COL13A1: variants seen among roughly 807,000 people sequenced by gnomAD.
The protein encoded by COL13A1 is collagen type XIII alpha 1 chain, also known as collagen alpha-1(XIII) chain.
In COL13A1, 89 loss-of-function variants were observed where a neutral mutation model predicts 130.9. The observed-to-expected ratio is 0.68, with a 90% confidence interval of 0.57 to 0.81. The LOEUF (loss-of-function observed/expected upper bound fraction) is 0.81, where lower values mean the gene tolerates loss of function less well. Ranked by LOEUF, COL13A1 falls within the 30% of genes least tolerant of loss-of-function variation. The pLI, the probability that COL13A1 is intolerant of heterozygous loss-of-function variation, is 0.00. For missense variants in COL13A1, 879 were observed against 934.6 expected, an observed-to-expected ratio of 0.94 and a Z score of 0.78; for synonymous variants, 402 against 341.6, an observed-to-expected ratio of 1.18 and a Z score of -1.95.
chr10:69,848,822 G>A (rs1248297071), intron 2 of COL13A1, among the ~76,000 whole-genome samples: 1 of 152,196 alleles, frequency 6.6e-6, no homozygotes, highest in Non-Finnish European at 1.5e-5. Flanking sequence ...ACAAGTGAGG[G>A]CCTAAGAGTC....
chr10:69,835,521 TGGCACTC>T (rs2133073298), intron 2 of COL13A1, among the ~76,000 whole-genome samples: 1 of 152,214 alleles, frequency 6.6e-6, no homozygotes, highest in African/African-American at 2.4e-5. Flanking sequence ...CTGCTGGCAG[TGGCACTC>T]TTGTCCCCAC....
chr10:69,880,577 G>A (rs754487276), intron 7 of COL13A1, 24 bp downstream of exon 7: 12 of 1,611,304 alleles, frequency 7.4e-6, no homozygotes, highest in African/African-American at 5.3e-5. Flanking sequence ...GCTCTTCCTC[G>A]GGGTGTTGGG....
At chr10:69,952,087 T>A (rs1463803466) in intron 38 of COL13A1, among the ~76,000 whole-genome samples, 3 of 152,222 alleles carry the variant, frequency 2.0e-5, no homozygotes, top group Non-Finnish European at 4.4e-5. Context: ...CAGAAACAAA[T>A]GAATTCCTTA....
At chr10:69,847,724 G>A (rs1037755205) in intron 2 of COL13A1, among the ~76,000 whole-genome samples, 1 of 152,214 alleles carries the variant, frequency 6.6e-6, no homozygotes, top group African/African-American at 2.4e-5. Flanking sequence ...TAGGAGCCCT[G>A]GGAGGAAGGG....
intron 17 of COL13A1, among the ~76,000 whole-genome samples, chr10:69,907,735 A>G (rs559916182): frequency 7.2e-5 from 11 of 152,300 alleles, no homozygotes; most frequent in African/African-American, 2.4e-4. Flanking sequence ...CACTCCTGCA[A>G]TCACAAACCC....
intron 21 of COL13A1, among the ~76,000 whole-genome samples, chr10:69,920,928 G>T (rs966350132): frequency 7.9e-5 from 12 of 152,302 alleles, no homozygotes; most frequent in African/African-American, 2.9e-4. Flanking sequence ...AATGAGAATG[G>T]GGTTCAGCAT....
At chr10:69,915,247 C>T (rs975274807) in intron 17 of COL13A1, among the ~76,000 whole-genome samples, 1 of 152,226 alleles carries the variant, frequency 6.6e-6, no homozygotes, top group Non-Finnish European at 1.5e-5. Flanking sequence ...CCAGTGCAGA[C>T]ACATGGCAGC....
At chr10:69,937,580 T>C in intron 33 of COL13A1, 55 bp from the exon 34 acceptor site, 1 of 860,306 alleles carries the variant, frequency 1.2e-6, no homozygotes. Context: ...AATGCAAGAA[T>C]GAATTGTCTG....
At position 69,940,996 on chromosome 10, in the gene COL13A1, A is replaced by G; in HGVS notation, c.1887A>G (p.Ser629=). Residue 629 remains serine, a synonymous_variant, in exon 35 of 41, where the codon TCA becomes TCG. Coordinates refer to ENST00000645393, the MANE Select transcript of COL13A1 (RefSeq NM_001368882.1). ...DRGPLGLPGA[S]GLDGRPGPPG... ...CTGTGCCCTTCGTCCAGGGAGCTTC[A>G]GGTTTGGACGGCAGGCCTGGGCCAC... The G allele has an allele frequency of 6.2e-7, 1 of 1,613,504 alleles. No individual in the cohort carries two copies. Among genetic ancestry groups the G allele is most frequent in the Non-Finnish European group, 8.5e-7 (1 of 1,179,760 alleles).
intron 4 of COL13A1, 94 bp from the exon 5 acceptor site, chr10:69,875,034 G>T: frequency 1.3e-6 from 2 of 1,520,638 alleles, no homozygotes; most frequent in Non-Finnish European, 9.1e-7. Context: ...GGTTAGCTGT[G>T]CCCTAAATCA....
chr10:69,826,183 G>A (rs558703474), intron 2 of COL13A1, among the ~76,000 whole-genome samples: 22 of 152,296 alleles, frequency 1.4e-4, no homozygotes, highest in African/African-American at 4.3e-4. Flanking sequence ...TCTAGCCAGC[G>A]AGGAAACAGC....
intron 1 of COL13A1, among the ~76,000 whole-genome samples, chr10:69,821,773 T>C (rs1589239263): frequency 6.6e-6 from 1 of 152,200 alleles, no homozygotes; most frequent in Non-Finnish European, 1.5e-5. Context: ...CTTGCCACCA[T>C]GAACATGACA....
chr10:69,932,468 G>A (rs760506221), intron 30 of COL13A1, 92 bp from the exon 31 acceptor site: 108 of 870,718 alleles, frequency 1.2e-4, no homozygotes, highest in Non-Finnish European at 1.8e-4. Context: ...GACCAGTCAC[G>A]TCCCAGTCTA....
intron 3 of COL13A1, 34 bp from the exon 4 acceptor site, chr10:69,872,150 G>A (rs2059135442): frequency 1.2e-6 from 2 of 1,613,860 alleles, no homozygotes; most frequent in Non-Finnish European, 1.7e-6. Context: ...TACGATACCT[G>A]CCTGACCTAC....
At chr10:69,822,273 C>T (rs1037708739) in intron 1 of COL13A1, 96 bp from the exon 2 acceptor site, 2 of 890,470 alleles carry the variant, frequency 2.2e-6, no homozygotes, top group East Asian at 6.2e-5. Context: ...TGCCGGTTTC[C>T]CCCTCTTCCT....
intron 1 of COL13A1, among the ~76,000 whole-genome samples, chr10:69,805,469 T>C (rs1271904567): frequency 6.6e-6 from 1 of 152,138 alleles, no homozygotes; most frequent in African/African-American, 2.4e-5. Flanking sequence ...CACCCTAGGG[T>C]TGGGCTGTCC....
chr10:69,836,731 GCT>G (rs1850166438), intron 2 of COL13A1, among the ~76,000 whole-genome samples: 1 of 152,216 alleles, frequency 6.6e-6, no homozygotes, highest in Non-Finnish European at 1.5e-5. Flanking sequence ...TCCTTGGCAG[GCT>G]GGCTCCTCAG....
At chr10:69,938,235 C>T (rs537220810) in intron 34 of COL13A1, among the ~76,000 whole-genome samples, 54 of 152,114 alleles carry the variant, frequency 3.5e-4, no homozygotes, top group African/African-American at 1.0e-3. Flanking sequence ...TCTCTGATCT[C>T]AGCCTGCCCA....
chr10:69,939,402 A>G (rs2067332343), intron 34 of COL13A1, among the ~76,000 whole-genome samples: 5 of 152,258 alleles, frequency 3.3e-5, no homozygotes, highest in Admixed American at 3.3e-4. Context: ...ACTGCAGACC[A>G]TAAAAAATAT....
Sources: allele counts gnomAD v4.1 joint callset (sites outside exome capture counted in the v4.1 genomes callset), GRCh38; gene constraint gnomAD v4.1.1; transcripts MANE v1.5; gene names NCBI Gene and HGNC (gene_info 2026-07-23, HGNC 2026-07-21).